ANXA8: variants seen among roughly 807,000 people sequenced by gnomAD.
ANXA8 encodes the protein annexin A8.
ANXA8 carries 9 observed loss-of-function variants against 26.8 expected under a neutral mutation model. The ratio of observed to expected loss-of-function variants is 0.34; its 90% CI spans 0.20 to 0.59. ANXA8 has a LOEUF of 0.59. ANXA8 is among the 20% of genes least tolerant of loss of function. ANXA8 has a pLI of 0.84. For synonymous variants in ANXA8, 39 were observed against 94.8 expected (o/e 0.41, Z 3.42); for missense variants, 83 against 238.5 (o/e 0.35, Z 4.29).
the ANXA8 span, among the ~76,000 whole-genome samples, chr10:47,561,395 C>T: frequency 6.6e-6 from 1 of 151,738 alleles, no homozygotes; most frequent in East Asian, 1.9e-4. Context: ...CGTGAACTAC[C>T]ATGTTGGGCC....
the ANXA8 span, among the ~76,000 whole-genome samples, chr10:47,942,665 G>A: frequency 1.4e-5 from 2 of 142,482 alleles, 1 homozygote; most frequent in African/African-American, 5.6e-5. Flanking sequence ...GAGTCCTGCT[G>A]TTGCTGGGGA....
chr10:47,499,870 T>C, the ANXA8 span, among the ~76,000 whole-genome samples: 2 of 143,024 alleles, frequency 1.4e-5, no homozygotes, highest in Non-Finnish European at 3.0e-5. Flanking sequence ...TCAAGTGATC[T>C]TCCTGCCTCA....
chr10:47,699,985 T>A, the ANXA8 span, among the ~76,000 whole-genome samples: 1 of 151,698 alleles, frequency 6.6e-6, no homozygotes, highest in Non-Finnish European at 1.5e-5. Context: ...AGGAAAAAAT[T>A]TAAACACTCC....
the ANXA8 span, among the ~76,000 whole-genome samples, chr10:47,585,329 T>C: frequency 2.2e-5 from 3 of 134,488 alleles, no homozygotes; most frequent in South Asian, 7.0e-4. Context: ...AAATAAGCAA[T>C]TGTTAGTTCC....
At chr10:47,664,600 G>A in the ANXA8 span, among the ~76,000 whole-genome samples, 6 of 150,024 alleles carry the variant, frequency 4.0e-5, no homozygotes, top group Non-Finnish European at 1.5e-5. Context: ...ATAATTCTCA[G>A]TAATTTTTGC....
chr10:47,957,718 C>A, the ANXA8 span, among the ~76,000 whole-genome samples: 10 of 148,846 alleles, frequency 6.7e-5, no homozygotes, highest in Non-Finnish European at 1.0e-4. Context: ...AGGCTCCAGG[C>A]AAGGTTCTTC....
the ANXA8 span, among the ~76,000 whole-genome samples, chr10:47,733,191 T>TC: frequency 2.4e-4 from 26 of 106,438 alleles, no homozygotes; most frequent in African/African-American, 7.7e-4. Context: ...CTTTCTTTCT[T>TC]TCTTTCTTTC....
the ANXA8 span, chr10:47,955,888 A>C: frequency 6.5e-5 from 9 of 138,032 alleles, no homozygotes; most frequent in Non-Finnish European, 1.2e-4. Flanking sequence ...ATTAATACTT[A>C]GCTTAAGACA....
the ANXA8 span, among the ~76,000 whole-genome samples, chr10:47,587,339 A>G: frequency 6.7e-6 from 1 of 148,760 alleles, no homozygotes; most frequent in Non-Finnish European, 1.5e-5. Flanking sequence ...TTATAGATGT[A>G]ATTTTCATAC....
chr10:47,525,573 G>A, the ANXA8 span, among the ~76,000 whole-genome samples: 28 of 136,756 alleles, frequency 2.0e-4, 2 homozygotes, highest in African/African-American at 7.2e-4. Context: ...TTTGGGTGGG[G>A]ACATGGCAAA....
At chr10:47,895,112 C>T in the ANXA8 span, among the ~76,000 whole-genome samples, 66 of 151,956 alleles carry the variant, frequency 4.3e-4, no homozygotes, top group Middle Eastern at 6.8e-3. Flanking sequence ...CATAAACACA[C>T]ACACACTTAA....
the ANXA8 span, among the ~76,000 whole-genome samples, chr10:47,899,135 G>A: frequency 5.9e-5 from 9 of 151,350 alleles, no homozygotes; most frequent in Admixed American, 2.0e-4. Flanking sequence ...ATTGTGCCCC[G>A]CTGAAGAGAA....
the ANXA8 span, among the ~76,000 whole-genome samples, chr10:47,666,329 A>G: frequency 6.6e-6 from 1 of 150,668 alleles, no homozygotes; most frequent in South Asian, 2.1e-4. Flanking sequence ...ATTTGATATG[A>G]AAAAGGATCT....
At chr10:47,749,605 G>GA in the ANXA8 span, among the ~76,000 whole-genome samples, 1 of 150,338 alleles carries the variant, frequency 6.7e-6, no homozygotes, top group Non-Finnish European at 1.5e-5. Flanking sequence ...ATAATGTACA[G>GA]AAGTTGTAAT....
At chr10:47,744,260 C>A in the ANXA8 span, among the ~76,000 whole-genome samples, 2 of 149,876 alleles carry the variant, frequency 1.3e-5, no homozygotes, top group African/African-American at 4.9e-5. Context: ...TGAGGTGTCT[C>A]TGGTAATATG....
At chr10:47,507,074 G>GT in the ANXA8 span, among the ~76,000 whole-genome samples, 3 of 134,280 alleles carry the variant, frequency 2.2e-5, 1 homozygote, top group Non-Finnish European at 4.8e-5. Context: ...TTGTAGAAAA[G>GT]TTTTTTTTCA....
At chr10:47,595,513 G>C in the ANXA8 span, among the ~76,000 whole-genome samples, 1 of 149,164 alleles carries the variant, frequency 6.7e-6, no homozygotes, top group Non-Finnish European at 1.5e-5. Flanking sequence ...GTCTTCAAGA[G>C]ACCCATCTCA....
the ANXA8 span, among the ~76,000 whole-genome samples, chr10:47,766,134 T>G: frequency 2.4e-4 from 32 of 133,412 alleles, 1 homozygote; most frequent in Admixed American, 2.3e-4. Flanking sequence ...TTATTCAGCT[T>G]GGCATCGCCA....
chr10:47,586,911 G>T, the ANXA8 span, among the ~76,000 whole-genome samples: 1 of 146,364 alleles, frequency 6.8e-6, no homozygotes, highest in East Asian at 1.9e-4. Flanking sequence ...TTGAGACCTT[G>T]TTAGGAAATT....
Sources: gnomAD v4.1 joint callset for allele counts (sites outside exome capture counted in the v4.1 genomes callset) on GRCh38, gnomAD v4.1.1 for gene constraint, MANE v1.5 for transcripts, NCBI Gene and HGNC (gene_info 2026-07-23, HGNC 2026-07-21) for gene names.